TMEM131: variants seen among roughly 807,000 people sequenced by gnomAD.
The protein encoded by TMEM131 is 2610524E03Rik.
Under a neutral mutation model 211.6 loss-of-function variants are expected in TMEM131, and 66 were observed. The observed-to-expected ratio is 0.31, with a 90% CI of 0.26 to 0.38. The LOEUF is 0.38. Among genes scored for constraint, TMEM131 ranks in the 10% least tolerant of loss-of-function variants. TMEM131 has a pLI of 1.00. For missense variants in TMEM131, 2,036 were observed against 2,299.3 expected (o/e 0.89, Z 2.34); for synonymous variants, 844 against 841.3 (o/e 1.00, Z -0.06).
chr2:97,841,389 C>T (rs1292438060), intron 7 of TMEM131, among the ~76,000 whole-genome samples: 1 of 152,148 alleles, frequency 6.6e-6, no homozygotes, highest in African/African-American at 2.4e-5. Flanking sequence ...TACCCTTTCC[C>T]TGAATTTTAA....
At chr2:97,872,381 C>A (rs918965854) in intron 4 of TMEM131, among the ~76,000 whole-genome samples, 4 of 152,106 alleles carry the variant, frequency 2.6e-5, no homozygotes, top group Non-Finnish European at 5.9e-5. Flanking sequence ...GCAAGCCAAT[C>A]AAAAAGCCCT....
At chr2:97,758,828 C>G in intron 40 of TMEM131, 65 bp downstream of exon 40, 1 of 1,546,186 alleles carries the variant, frequency 6.5e-7, no homozygotes, top group South Asian at 1.2e-5. Context: ...ATCCATGTCA[C>G]AGCAATGGCA....
At position 97,988,720 on chromosome 2, in the gene TMEM131, G is replaced by C. The variant is rs1364353646; in HGVS notation, c.187+6756C>G. Among the ~76,000 whole-genome samples, 2 of 152,136 alleles carry C rather than the reference G, an allele frequency of 1.3e-5. 1 individual carries two copies. The highest frequency in any genetic ancestry group is 3.9e-4 in the East Asian group (2 of 5,192). On this transcript the variant is annotated intron_variant, in intron 1 of 40. Coordinates refer to ENST00000186436, the MANE Select transcript of TMEM131 (RefSeq NM_015348.2). The stretch of plus-strand genomic sequence containing the variant: ...AAAATGCAAATCAATACCACAATGA[G>C]ATAGCACCTCACACCACTATCAAAA...
At chr2:97,833,919 T>G (rs1033730804) in intron 10 of TMEM131, among the ~76,000 whole-genome samples, 23 of 152,088 alleles carry the variant, frequency 1.5e-4, no homozygotes, top group Non-Finnish European at 2.5e-4. Flanking sequence ...TGCCTCCACC[T>G]CCCAAAATGC....
chr2:97,804,231 A>G (rs1681173185), intron 22 of TMEM131, among the ~76,000 whole-genome samples: 2 of 152,144 alleles, frequency 1.3e-5, no homozygotes, highest in African/African-American at 4.8e-5. Flanking sequence ...CTATACTACC[A>G]AATCAATACA....
intron 31 of TMEM131, among the ~76,000 whole-genome samples, chr2:97,786,981 T>C (rs1473163324): frequency 6.6e-6 from 1 of 152,218 alleles, no homozygotes; most frequent in East Asian, 1.9e-4. Flanking sequence ...GCCAGAAAAT[T>C]TGCAGTTCAA....
At chr2:97,812,317 G>T in intron 17 of TMEM131, 104 bp downstream of exon 17, 1 of 1,293,914 alleles carries the variant, frequency 7.7e-7, no homozygotes, top group Non-Finnish European at 1.1e-6. Flanking sequence ...ACACTATTAT[G>T]AACTGCATAA....
chr2:97,933,395 A>C (rs1677312441), intron 1 of TMEM131, among the ~76,000 whole-genome samples: 1 of 152,230 alleles, frequency 6.6e-6, no homozygotes, highest in East Asian at 1.9e-4. Flanking sequence ...CTGTGCTTCT[A>C]CTCACATGAA....
chr2:97,830,132 T>TAAAAAAAAAAA (rs60531384), intron 11 of TMEM131, among the ~76,000 whole-genome samples: 20 of 72,294 alleles, frequency 2.8e-4, no homozygotes, highest in Non-Finnish European at 4.7e-4. Context: ...CATTATCAGT[T>TAAAAAAAAAAA]AAAAAAAAAA....
In TMEM131 at chr2:97,796,091, G is replaced by A; in HGVS notation, c.3200+127C>T. ...GATATGAAGAAATACCTTAGCCAAA[G>A]ATTAAGTGAAAAAAAAACAAATGAA... On this transcript the variant is annotated intron_variant, in intron 28 of 40. Coordinates refer to ENST00000186436, the MANE Select transcript of TMEM131 (RefSeq NM_015348.2). 8.8e-6 allele frequency: 5 copies of A among 569,016 alleles called. No individual in the cohort carries two copies. In the East Asian group the frequency reaches 1.7e-4, roughly 19 times the overall value. The allele number at this position is 569,016 out of a possible 1,614,324, so 35.2% of individuals were successfully genotyped here.
In TMEM131 at chr2:97,757,359, G is replaced by A. The variant is rs201210149; in HGVS notation, c.5392C>T (p.Leu1798=). 1.9e-6 allele frequency: 3 copies of A among 1,607,954 alleles called. No homozygotes were observed. In the Admixed American group the frequency reaches 5.0e-5, roughly 27 times the overall value. ...CTGCTGAATGGAGTGGTGGACCACA[G>A]GCCGCTGGTGTTACCGAGGACCGAC... ...ATSVLGNTSG[L]WSTTPFSSSI... The change falls in exon 41 of 41, where the codon CTG becomes TTG. Residue 1798 remains leucine (L), a synonymous_variant. Coordinates refer to ENST00000186436, the MANE Select transcript of TMEM131 (RefSeq NM_015348.2).
chr2:97,984,776 GAT>G (rs1233304518), intron 1 of TMEM131, among the ~76,000 whole-genome samples: 1 of 151,142 alleles, frequency 6.6e-6, no homozygotes, highest in Non-Finnish European at 1.5e-5. Context: ...GGATCATATC[GAT>G]ATAATAGCTT....
intron 2 of TMEM131, among the ~76,000 whole-genome samples, chr2:97,917,394 C>T (rs1676551791): frequency 6.6e-6 from 1 of 152,070 alleles, no homozygotes; most frequent in Non-Finnish European, 1.5e-5. Context: ...AAATCTGTGA[C>T]CTAAAAATCT....
At chr2:97,994,173 A>G (rs917196408) in intron 1 of TMEM131, among the ~76,000 whole-genome samples, 4 of 152,274 alleles carry the variant, frequency 2.6e-5, no homozygotes, top group African/African-American at 9.6e-5. Flanking sequence ...ACGATCACAC[A>G]TAAGAAAGAA....
chr2:97,849,307 C>A (rs1347816766), intron 5 of TMEM131, among the ~76,000 whole-genome samples: 2 of 152,048 alleles, frequency 1.3e-5, no homozygotes, highest in African/African-American at 4.8e-5. Context: ...CTGGAAACAC[C>A]CCAAAAGTCT....
intron 3 of TMEM131, among the ~76,000 whole-genome samples, chr2:97,891,005 G>A (rs190783169): frequency 1.5e-4 from 23 of 152,162 alleles, no homozygotes; most frequent in African/African-American, 5.1e-4. Flanking sequence ...TTTAATATCC[G>A]AGTGAGTACG....
intron 5 of TMEM131, among the ~76,000 whole-genome samples, chr2:97,847,912 A>T (rs1683525248): frequency 6.6e-6 from 1 of 151,426 alleles, no homozygotes; most frequent in Non-Finnish European, 1.5e-5. Context: ...ACTCAGCAGT[A>T]TTTTTTTTTA....
chr2:97,985,732 C>T (rs11886243), intron 1 of TMEM131, among the ~76,000 whole-genome samples: 1 of 151,094 alleles, frequency 6.6e-6, no homozygotes, highest in Admixed American at 6.6e-5. Context: ...GATCCCAGTA[C>T]ATAACAGAAT....
intron 15 of TMEM131, 147 bp downstream of exon 15, chr2:97,813,824 G>A (rs1355586852): frequency 1.6e-6 from 1 of 622,016 alleles, no homozygotes. Context: ...CTAGTTACCT[G>A]GAAAGGTAAA....
Sources: gnomAD v4.1 joint callset for allele counts (sites outside exome capture counted in the v4.1 genomes callset) on GRCh38, gnomAD v4.1.1 for gene constraint, MANE v1.5 for transcripts, NCBI Gene and HGNC (gene_info 2026-07-23, HGNC 2026-07-21) for gene names.